FHIT: variants seen among roughly 807,000 people sequenced by gnomAD.
FHIT encodes fragile histidine triad diadenosine triphosphatase, also known as bis(5'-adenosyl)-triphosphatase.
In FHIT, 19 loss-of-function variants were observed where a neutral mutation model predicts 17.9. That is an observed-to-expected ratio of 1.06 (90% confidence interval 0.74 to 1.56). The LOEUF (loss-of-function observed/expected upper bound fraction) is 1.56. Among genes scored for constraint, FHIT ranks in the 40% most tolerant of loss-of-function variants. The probability of loss-of-function intolerance (pLI) is 0.00; values close to 1 mark genes in which losing one functional copy is unlikely to be tolerated. For synonymous variants in FHIT, 81 were observed against 69.7 expected, an observed-to-expected ratio of 1.16 and a Z score of -0.81; for missense variants, 248 against 189.2, an observed-to-expected ratio of 1.31 and a Z score of -1.82.
intron 3 of FHIT, among the ~76,000 whole-genome samples, chr3:60,877,019 C>T (rs1292732603): frequency 1.3e-5 from 2 of 152,182 alleles, no homozygotes; most frequent in Non-Finnish European, 2.9e-5. Flanking sequence ...TCCACCAACA[C>T]CTTGGACACC....
intron 5 of FHIT, among the ~76,000 whole-genome samples, chr3:60,201,530 C>T (rs1352462027): frequency 6.6e-6 from 1 of 152,004 alleles, no homozygotes; most frequent in South Asian, 2.1e-4. Flanking sequence ...ATTTAACAAC[C>T]ACCCTACCCC....
At chr3:60,165,438 G>T (rs1701129853) in intron 5 of FHIT, among the ~76,000 whole-genome samples, 1 of 152,212 alleles carries the variant, frequency 6.6e-6, no homozygotes. Context: ...ACTAATGCAT[G>T]TGGGAGATAC....
chr3:60,306,819 C>G (rs1311070785), intron 5 of FHIT, among the ~76,000 whole-genome samples: 1 of 152,134 alleles, frequency 6.6e-6, no homozygotes, highest in Non-Finnish European at 1.5e-5. Context: ...TAAAAATACA[C>G]TTGGTGCTCG....
At chr3:60,370,398 T>G (rs1700280044) in intron 5 of FHIT, among the ~76,000 whole-genome samples, 1 of 152,130 alleles carries the variant, frequency 6.6e-6, no homozygotes, top group South Asian at 2.1e-4. Context: ...CCAATAAAAT[T>G]ATCTCCTCCC....
chr3:60,379,964 A>T (rs1576569140), intron 5 of FHIT, among the ~76,000 whole-genome samples: 1 of 152,318 alleles, frequency 6.6e-6, no homozygotes, highest in East Asian at 1.9e-4. Flanking sequence ...GTATTCAAAA[A>T]CAACAGCATC....
At chr3:60,094,173 A>G (rs1703845087) in intron 5 of FHIT, among the ~76,000 whole-genome samples, 1 of 152,242 alleles carries the variant, frequency 6.6e-6, no homozygotes, top group South Asian at 2.1e-4. Context: ...TCCCCATCTC[A>G]AGTTCTCAAT....
At chr3:61,166,366 C>G (rs553801291) in intron 2 of FHIT, among the ~76,000 whole-genome samples, 2 of 152,190 alleles carry the variant, frequency 1.3e-5, no homozygotes, top group African/African-American at 4.8e-5. Context: ...CTCTACTCCT[C>G]GTCTATACTT....
chr3:60,431,816 G>C (rs1265298944), intron 5 of FHIT, among the ~76,000 whole-genome samples: 2 of 152,048 alleles, frequency 1.3e-5, no homozygotes, highest in Admixed American at 6.5e-5. Context: ...TCTTCTCTTA[G>C]TAGCTTTTTA....
At chr3:59,992,293 C>T (rs1194804015) in intron 7 of FHIT, among the ~76,000 whole-genome samples, 3 of 152,014 alleles carry the variant, frequency 2.0e-5, no homozygotes, top group South Asian at 4.1e-4. Flanking sequence ...TCCTGAGTAA[C>T]TTATATTGTT....
At chr3:60,800,486 C>T (rs998389385) in intron 4 of FHIT, among the ~76,000 whole-genome samples, 4 of 152,204 alleles carry the variant, frequency 2.6e-5, no homozygotes, top group Admixed American at 1.3e-4. Context: ...GAAAGCAGAC[C>T]CTAAACAAAG....
chr3:61,150,741 A>G (rs1306431753), intron 2 of FHIT, among the ~76,000 whole-genome samples: 1 of 152,234 alleles, frequency 6.6e-6, no homozygotes, highest in African/African-American at 2.4e-5. Flanking sequence ...ACACTTTACC[A>G]GTTGTTCACT....
At chr3:60,483,655 A>G (rs899936972) in intron 5 of FHIT, among the ~76,000 whole-genome samples, 2 of 152,200 alleles carry the variant, frequency 1.3e-5, no homozygotes, top group African/African-American at 4.8e-5. Context: ...CTGTCAATAA[A>G]GTAGGTTTTG....
chr3:60,322,970 A>C (rs1169261304), intron 5 of FHIT, among the ~76,000 whole-genome samples: 2 of 152,228 alleles, frequency 1.3e-5, no homozygotes, highest in Non-Finnish European at 2.9e-5. Context: ...ACTGTATAGA[A>C]GACTGGCAAC....
intron 8 of FHIT, among the ~76,000 whole-genome samples, chr3:59,787,873 GTTATC>G (rs1375331595): frequency 6.6e-6 from 1 of 152,158 alleles, no homozygotes; most frequent in Non-Finnish European, 1.5e-5. Flanking sequence ...TACCTGCTAT[GTTATC>G]TTGTTTTCTA....
rs535040132 is a variant in FHIT, at chr3:59,979,443, A to T, written c.279+31928T>A. 2.7e-4 allele frequency among the ~76,000 whole-genome samples: 41 copies of T among 152,244 alleles called. 1 individual carries two copies. In the South Asian group the frequency reaches 8.3e-3, roughly 31 times the overall value. On this transcript the variant is annotated intron_variant, in intron 7 of 9. Coordinates refer to ENST00000492590, the MANE Select transcript of FHIT (RefSeq NM_002012.4). ...TTAGTTGGGAATGTCTAGAGTGGAGACCTTATAAAAATTACTTGACAGACT... is the reference window on the plus strand; with the variant it reads ...TTAGTTGGGAATGTCTAGAGTGGAGTCCTTATAAAAATTACTTGACAGACT...
chr3:60,904,017 T>A (rs575853062), intron 3 of FHIT, among the ~76,000 whole-genome samples: 1 of 152,358 alleles, frequency 6.6e-6, no homozygotes, highest in East Asian at 1.9e-4. Context: ...TTCTCATACC[T>A]GACAACCTAT....
chr3:60,587,617 C>T (rs914729299), intron 4 of FHIT, among the ~76,000 whole-genome samples: 6 of 151,916 alleles, frequency 3.9e-5, no homozygotes, highest in African/African-American at 1.2e-4. Flanking sequence ...ACAGTTGAGG[C>T]GTAAAACCTG....
chr3:60,076,213 C>A (rs900158659), intron 5 of FHIT, among the ~76,000 whole-genome samples: 2 of 152,028 alleles, frequency 1.3e-5, no homozygotes, highest in Admixed American at 6.6e-5. Flanking sequence ...AAGCTCTTCC[C>A]TTTTCCACAT....
chr3:60,441,185 T>A (rs1165593633), intron 5 of FHIT, among the ~76,000 whole-genome samples: 1 of 152,108 alleles, frequency 6.6e-6, no homozygotes, highest in Non-Finnish European at 1.5e-5. Flanking sequence ...AGAAGGGACC[T>A]AATTCTGAAT....
Sources: gnomAD v4.1 joint callset for allele counts (sites outside exome capture counted in the v4.1 genomes callset) on GRCh38, gnomAD v4.1.1 for gene constraint, MANE v1.5 for transcripts, NCBI Gene and HGNC (gene_info 2026-07-23, HGNC 2026-07-21) for gene names.